The following CAPRIN1 variants were observed in gnomAD, a reference collection of about 807,000 sequenced individuals.
CAPRIN1 encodes caprin-1.
Under a neutral mutation model 100.9 loss-of-function variants are expected in CAPRIN1, and 29 were observed. That is an observed-to-expected ratio of 0.29 (90% CI 0.21 to 0.39). CAPRIN1 has a LOEUF of 0.39. CAPRIN1 is among the 10% of genes least tolerant of loss of function. The pLI is 1.00. For missense variants in CAPRIN1, 795 were observed against 876.7 expected, an observed-to-expected ratio of 0.91 and a Z score of 1.18; for synonymous variants, 338 against 307.5, an observed-to-expected ratio of 1.10 and a Z score of -1.04.
At chr11:34,071,009 ACT>A (rs1318557724) in intron 2 of CAPRIN1, among the ~76,000 whole-genome samples, 4 of 152,134 alleles carry the variant, frequency 2.6e-5, no homozygotes, top group African/African-American at 9.7e-5. Flanking sequence ...GCCTAAAAAT[ACT>A]CTTATATCAC....
chr11:34,072,846 C>G (rs1024732562), intron 4 of CAPRIN1, among the ~76,000 whole-genome samples: 1 of 152,194 alleles, frequency 6.6e-6, no homozygotes, highest in African/African-American at 2.4e-5. Context: ...GGTCCCATAA[C>G]ATTGTAATAC....
rs1378344176 is a variant in CAPRIN1 at position 34,098,350 on chromosome 11, T to A, written c.2065+589T>A. 2.3e-5 allele frequency: 23 copies of A among 984,572 alleles called. No homozygotes were observed. In the African/African-American group the frequency reaches 3.7e-4, roughly 16 times the overall value. The allele number at this position is 984,572 out of a possible 1,614,324, so 61.0% of individuals were successfully genotyped here. ...AAATTCCTAACTTATTGAGCTATAC[T>A]TAAAAAAAATTACAGGTTTAGAGAG... is the stretch of plus-strand genomic sequence containing the variant. On this transcript the variant is annotated intron_variant, in intron 18 of 18. Coordinates refer to ENST00000341394, the MANE Select transcript of CAPRIN1 (RefSeq NM_005898.5).
rs1028195712 is a variant in CAPRIN1 at position 34,100,888 on chromosome 11, G to GCTA, written c.*1525_*1527dup. 1 of 152,578 alleles carries GCTA rather than the reference G, an allele frequency of 6.6e-6. No individual in the cohort carries two copies. Among genetic ancestry groups the GCTA allele is most frequent in the Non-Finnish European group, 1.5e-5 (1 of 68,012 alleles). 9.5% of individuals were successfully genotyped at this position (152,578 alleles called of 1,614,324 possible). A position where few individuals can be genotyped will look rare whatever the true frequency, so the allele number is the denominator to read the frequency against. ...GAATTAATCCCACCTTTAAGCAAAG[G>GCTA]CTACTAAGTTAATGGTATTTTCTGT... On this transcript the variant is annotated 3_prime_UTR_variant, in exon 19 of 19. Coordinates refer to ENST00000341394, the MANE Select transcript of CAPRIN1 (RefSeq NM_005898.5).
intron 4 of CAPRIN1, among the ~76,000 whole-genome samples, chr11:34,074,960 G>T (rs1333922414): frequency 6.6e-6 from 1 of 152,106 alleles, no homozygotes; most frequent in South Asian, 2.1e-4. Context: ...TGAGAGGATC[G>T]CTTGAGGCCA....
chr11:34,082,772 A>T, intron 7 of CAPRIN1, 53 bp from the exon 8 acceptor site: 1 of 1,251,508 alleles, frequency 8.0e-7, no homozygotes, highest in Non-Finnish European at 1.2e-6. Flanking sequence ...AGAGTAGAGT[A>T]GTATCACTGA....
intron 2 of CAPRIN1, among the ~76,000 whole-genome samples, chr11:34,067,849 T>A (rs965204992): frequency 6.6e-6 from 1 of 152,172 alleles, no homozygotes; most frequent in African/African-American, 2.4e-5. Flanking sequence ...TTGCATACTT[T>A]CTTTTGTCAT....
intron 2 of CAPRIN1, among the ~76,000 whole-genome samples, chr11:34,059,862 A>G (rs1050911413): frequency 6.8e-6 from 1 of 146,808 alleles, no homozygotes; most frequent in Non-Finnish European, 1.5e-5. Context: ...GTTGATGAGT[A>G]GGCAAGTAGA....
intron 2 of CAPRIN1, chr11:34,053,649 T>C (rs934277301): frequency 7.2e-5 from 11 of 152,124 alleles, no homozygotes; most frequent in African/African-American, 2.7e-4. Context: ...CAATATTTAG[T>C]CCTTGTAGAT....
At position 34,099,912 on chromosome 11, in the gene CAPRIN1, T is replaced by C. The variant is rs1210284339; in HGVS notation, c.*545T>C. ...ATTATGCATGGGTCCTAATCACACA[T>C]ATAAGGCTGGCTACCAGCTTTGACA... On this transcript the variant is annotated 3_prime_UTR_variant, in exon 19 of 19. Coordinates refer to ENST00000341394, the MANE Select transcript of CAPRIN1 (RefSeq NM_005898.5). 1 of 153,642 alleles carries C rather than the reference T, an allele frequency of 6.5e-6. No individual in the cohort carries two copies. Among genetic ancestry groups the C allele is most frequent in the East Asian group, 1.9e-4 (1 of 5,214 alleles). The allele number at this position is 153,642 out of a possible 1,614,324, so 9.5% of individuals were successfully genotyped here.
At chr11:34,052,278 G>GGC (rs1264561518) in intron 1 of CAPRIN1, 143 bp from the exon 2 acceptor site, 1 of 687,760 alleles carries the variant, frequency 1.5e-6, no homozygotes, top group African/African-American at 2.0e-5. Context: ...CTGCCCTCGA[G>GGC]GCGCGCCGCG....
intron 9 of CAPRIN1, among the ~76,000 whole-genome samples, chr11:34,083,935 G>T (rs922424278): frequency 1.3e-5 from 2 of 152,036 alleles, no homozygotes; most frequent in Non-Finnish European, 2.9e-5. Context: ...TGGGCATGGT[G>T]GTGCATGCCT....
At chr11:34,073,708 A>T (rs1197413159) in intron 4 of CAPRIN1, among the ~76,000 whole-genome samples, 1 of 152,164 alleles carries the variant, frequency 6.6e-6, no homozygotes, top group Non-Finnish European at 1.5e-5. Flanking sequence ...TTACAGTGTG[A>T]GCCAACGTGC....
At chr11:34,093,790 A>ATT (rs11291246) in intron 15 of CAPRIN1, among the ~76,000 whole-genome samples, 24 of 143,412 alleles carry the variant, frequency 1.7e-4, no homozygotes, top group African/African-American at 5.0e-4. Flanking sequence ...TGCCTGGCTA[A>ATT]TTTTTTTTTT....
At chr11:34,064,094 A>G (rs925628942) in intron 2 of CAPRIN1, among the ~76,000 whole-genome samples, 17 of 152,086 alleles carry the variant, frequency 1.1e-4, no homozygotes, top group Non-Finnish European at 4.4e-5. Flanking sequence ...TGCTAGGAAA[A>G]TGGTTTCATT....
In CAPRIN1 at chr11:34,097,744, C is replaced by A; in HGVS notation, c.2048C>A (p.Pro683Gln). The A allele has an allele frequency of 6.2e-7, 1 of 1,614,028 alleles. No individual in the cohort carries two copies. The highest frequency in any genetic ancestry group is 8.5e-7 in the Non-Finnish European group (1 of 1,179,942). The part of the protein sequence containing the change: ...NFKRGSGQSG[P>Q]RGAPRGRGGP... ...AAGCGAGGCTCTGGGCAGAGTGGAC[C>A]ACGGGGAGCCCCACGAGGTAATATT... The change falls in exon 18 of 19, where the codon CCA (proline) becomes CAA (glutamine). Residue 683 changes from proline to glutamine, a missense_variant. By Grantham distance (76) the Pro-to-Gln change is moderately conservative. Transcript: ENST00000341394.
At chr11:34,054,333 T>G (rs1327430392) in intron 2 of CAPRIN1, among the ~76,000 whole-genome samples, 3 of 152,204 alleles carry the variant, frequency 2.0e-5, no homozygotes, top group Non-Finnish European at 4.4e-5. Flanking sequence ...AAGTGTAAGG[T>G]AGCTACATTC....
At chr11:34,098,737 T>C (rs1053860918) in intron 18 of CAPRIN1, 16 of 985,234 alleles carry the variant, frequency 1.6e-5, no homozygotes, top group African/African-American at 3.5e-5. Flanking sequence ...TCGATGAAAG[T>C]TGAGTTAACT....
chr11:34,054,636 C>T (rs1850409588), intron 2 of CAPRIN1, among the ~76,000 whole-genome samples: 1 of 152,070 alleles, frequency 6.6e-6, no homozygotes, highest in Non-Finnish European at 1.5e-5. Flanking sequence ...ACCCTGTTGG[C>T]CAGGATTGTC....
At chr11:34,072,058 C>CA in intron 4 of CAPRIN1, 71 bp downstream of exon 4, 1 of 955,920 alleles carries the variant, frequency 1.0e-6, no homozygotes, top group Non-Finnish European at 1.6e-6. Flanking sequence ...CCTTCCATTA[C>CA]TATTGATAAG....
Sources: allele counts gnomAD v4.1 joint callset (sites outside exome capture counted in the v4.1 genomes callset), GRCh38; gene constraint gnomAD v4.1.1; transcripts MANE v1.5; gene names NCBI Gene and HGNC (gene_info 2026-07-23, HGNC 2026-07-21).